The following ZDHHC14 variants were observed in gnomAD, a reference collection of about 807,000 sequenced individuals.
ZDHHC14 encodes palmitoyltransferase ZDHHC14.
ZDHHC14 carries 16 observed loss-of-function variants against 47.7 expected under a neutral mutation model. The ratio of observed to expected loss-of-function variants is 0.34; its 90% CI spans 0.23 to 0.51. ZDHHC14 has a LOEUF of 0.51. Ranked by LOEUF, ZDHHC14 falls within the 20% of genes least tolerant of loss-of-function variation. The pLI is 0.97. For synonymous variants in ZDHHC14, 293 were observed against 278.9 expected (o/e 1.05, Z -0.50); for missense variants, 515 against 662.5 (o/e 0.78, Z 2.44).
rs539923668 is a variant in ZDHHC14 at position 157,444,036 on chromosome 6, G to A, written c.245+61770G>A. ...CTATGTGTGCTCAGCATTGCACTAA[G>A]TCTTTATGTAATATTTTGTTTATTC... On this transcript the variant is annotated intron_variant, in intron 1 of 8. Coordinates refer to ENST00000359775, the MANE Select transcript of ZDHHC14 (RefSeq NM_024630.3). Among the ~76,000 whole-genome samples the A allele has an allele frequency of 2.0e-5, 3 of 152,302 alleles. No individual in the cohort carries two copies. In the East Asian group the frequency reaches 5.8e-4, roughly 29 times the overall value.
chr6:157,540,295 C>T lies in ZDHHC14; in HGVS notation c.246-2290C>T, dbSNP rs139198420. On this transcript the variant is annotated intron_variant, in intron 1 of 8. Transcript: ENST00000359775. Reference sequence around the variant, plus strand: ...GAAGTGGGGTGGCTGTGGAAGATCCCAACCCTGCAGAGAGTGCACTTGGGA... The same window carrying T: ...GAAGTGGGGTGGCTGTGGAAGATCCTAACCCTGCAGAGAGTGCACTTGGGA... Among the ~76,000 whole-genome samples the T allele has an allele frequency of 2.4e-3, 367 of 152,238 alleles. 4 individuals carry two copies. The highest frequency in any genetic ancestry group is 1.1e-3 in the Non-Finnish European group (77 of 68,000).
chr6:157,389,301 TGCGATTA>T (rs1256025575), intron 1 of ZDHHC14, among the ~76,000 whole-genome samples: 1 of 152,210 alleles, frequency 6.6e-6, no homozygotes, highest in Admixed American at 6.5e-5. Flanking sequence ...TCCTCAATCT[TGCGATTA>T]ATAGTTTCCC....
chr6:157,569,501 G>A (rs574289258), intron 2 of ZDHHC14, among the ~76,000 whole-genome samples: 11 of 151,898 alleles, frequency 7.2e-5, no homozygotes, highest in South Asian at 2.1e-4. Flanking sequence ...ATTTATTCCC[G>A]GGCCAATGAT....
intron 1 of ZDHHC14, among the ~76,000 whole-genome samples, chr6:157,424,565 G>A (rs941524551): frequency 6.6e-6 from 1 of 152,212 alleles, no homozygotes; most frequent in Admixed American, 6.5e-5. Context: ...GAGTCAGAGA[G>A]CAAACGTGGT....
At chr6:157,653,474 C>G (rs771736484) in intron 7 of ZDHHC14, 51 bp from the exon 8 acceptor site, 1 of 1,600,964 alleles carries the variant, frequency 6.2e-7, no homozygotes, top group Non-Finnish European at 8.5e-7. Flanking sequence ...GCTGCTGCAT[C>G]TCTGGCTTTT....
chr6:157,626,813 G>C (rs1785443250), intron 3 of ZDHHC14, among the ~76,000 whole-genome samples: 1 of 149,828 alleles, frequency 6.7e-6, no homozygotes, highest in Non-Finnish European at 1.5e-5. Flanking sequence ...GGTATTCTCT[G>C]TGATACACCC....
intron 2 of ZDHHC14, among the ~76,000 whole-genome samples, chr6:157,566,631 A>C (rs969691380): frequency 6.6e-6 from 1 of 152,150 alleles, no homozygotes; most frequent in Non-Finnish European, 1.5e-5. Context: ...GGTCCCTGGA[A>C]ATCACACCCA....
chr6:157,591,217 G>T (rs1783897027), intron 2 of ZDHHC14, among the ~76,000 whole-genome samples: 1 of 152,172 alleles, frequency 6.6e-6, no homozygotes, highest in African/African-American at 2.4e-5. Flanking sequence ...TGTTGGAAAG[G>T]CATGATTGTG....
At chr6:157,465,337 T>G (rs1779186531) in intron 1 of ZDHHC14, among the ~76,000 whole-genome samples, 1 of 152,158 alleles carries the variant, frequency 6.6e-6, no homozygotes, top group Admixed American at 6.5e-5. Context: ...TTTGTGGTTC[T>G]GACTCACTGT....
chr6:157,626,496 A>C (rs1785424795), intron 3 of ZDHHC14, among the ~76,000 whole-genome samples: 1 of 152,146 alleles, frequency 6.6e-6, no homozygotes, highest in African/African-American at 2.4e-5. Context: ...GTTCGTTGTC[A>C]ATATTTAAAC....
At chr6:157,530,434 T>G (rs1781321395) in intron 1 of ZDHHC14, among the ~76,000 whole-genome samples, 1 of 152,228 alleles carries the variant, frequency 6.6e-6, no homozygotes, top group African/African-American at 2.4e-5. Context: ...GCTGTGTCCC[T>G]TTAGAGAAGG....
chr6:157,473,044 T>A (rs1000369639), intron 1 of ZDHHC14, among the ~76,000 whole-genome samples: 2 of 152,228 alleles, frequency 1.3e-5, no homozygotes, highest in African/African-American at 4.8e-5. Context: ...CACATTTTAA[T>A]GAACAAAACT....
intron 3 of ZDHHC14, among the ~76,000 whole-genome samples, chr6:157,604,299 A>G (rs1784446573): frequency 6.6e-6 from 1 of 151,994 alleles, no homozygotes; most frequent in South Asian, 2.1e-4. Flanking sequence ...AAAAAAAAAA[A>G]AAAAAAAGTA....
chr6:157,654,711 CT>C (rs1778003533), intron 8 of ZDHHC14, among the ~76,000 whole-genome samples: 1 of 151,370 alleles, frequency 6.6e-6, no homozygotes, highest in African/African-American at 2.4e-5. Context: ...TTGCTTTGCT[CT>C]GCTTTACTAA....
chr6:157,541,246 G>A (rs560053231), intron 1 of ZDHHC14, among the ~76,000 whole-genome samples: 37 of 152,210 alleles, frequency 2.4e-4, no homozygotes, highest in African/African-American at 6.7e-4. Flanking sequence ...CAACATCAGC[G>A]ATTGCTCCAG....
At chr6:157,591,313 G>A (rs111797524) in intron 2 of ZDHHC14, among the ~76,000 whole-genome samples, 1 of 152,308 alleles carries the variant, frequency 6.6e-6, no homozygotes, top group Admixed American at 6.5e-5. Context: ...ATCTCATCTT[G>A]AGTTGTGGTT....
chr6:157,629,686 T>C (rs947376871), intron 4 of ZDHHC14: 2 of 152,170 alleles, frequency 1.3e-5, no homozygotes, highest in Admixed American at 1.3e-4. Context: ...GTGACACAAA[T>C]GTGTAATATG....
chr6:157,499,479 G>GCCCCCCCCCCC (rs1043228228), intron 1 of ZDHHC14, among the ~76,000 whole-genome samples: 3 of 147,172 alleles, frequency 2.0e-5, no homozygotes, highest in Non-Finnish European at 4.5e-5. Context: ...ACCTCTCAAA[G>GCCCCCCCCCCC]CCCCCCACCC....
intron 5 of ZDHHC14, among the ~76,000 whole-genome samples, chr6:157,634,767 C>T (rs910708268): frequency 6.6e-6 from 1 of 152,232 alleles, no homozygotes; most frequent in African/African-American, 2.4e-5. Flanking sequence ...GTGCAGGAGG[C>T]CTGGTGCATG....
Sources: allele counts gnomAD v4.1 joint callset (sites outside exome capture counted in the v4.1 genomes callset), GRCh38; gene constraint gnomAD v4.1.1; transcripts MANE v1.5; gene names NCBI Gene and HGNC (gene_info 2026-07-23, HGNC 2026-07-21).